The following UBE3B variants were observed in gnomAD, a reference collection of about 807,000 sequenced individuals.
UBE3B encodes the protein ubiquitin protein ligase E3B.
Under a neutral mutation model 132.3 loss-of-function variants are expected in UBE3B, and 80 were observed. That is an observed-to-expected ratio of 0.60 (90% CI 0.50 to 0.73). UBE3B has a LOEUF of 0.73. Among genes scored for constraint, UBE3B ranks in the 30% least tolerant of loss-of-function variants. The pLI is 0.00. For synonymous variants in UBE3B, 487 were observed against 520.4 expected (o/e 0.94, Z 0.87); for missense variants, 1,196 against 1,362.5 (o/e 0.88, Z 1.92).
Position 109,524,724 on chromosome 12 carries a change from T to A in UBE3B, c.2568+221T>A, listed in dbSNP as rs376714335. On this transcript the variant is annotated intron_variant, in intron 23 of 27. Transcript: ENST00000342494. Reference sequence around the variant, plus strand: ...CCTTTGAAGCTTCCCGCAGAGACCCTGCTTTCTTATATCGCATTTTAGGGT... The same window carrying A: ...CCTTTGAAGCTTCCCGCAGAGACCCAGCTTTCTTATATCGCATTTTAGGGT... Among the ~76,000 whole-genome samples the A allele has an allele frequency of 5.3e-5, 8 of 152,150 alleles. No individual in the cohort carries two copies. The East Asian group carries it at 9.7e-4, about 18-fold the overall frequency.
Position 109,498,349 on chromosome 12 carries a change from A to C in UBE3B, c.936A>C (p.Leu312=), listed in dbSNP as rs777470103. Residue 312 remains leucine, a synonymous_variant, in exon 11 of 28, where the codon CTA becomes CTC. Transcript: ENST00000342494. ...ESLEGCHTLC[L]MGNLLHLGSL... ...TAGAAGGATGCCATACGCTTTGTCT[A>C]ATGGGTAAGTATCCGTGGCTGGAAC... 6.2e-7 allele frequency: 1 copy of C among 1,613,514 alleles called. No homozygotes were observed. The highest frequency in any genetic ancestry group is 1.3e-5 in the African/African-American group (1 of 74,912).
intron 14 of UBE3B, among the ~76,000 whole-genome samples, chr12:109,506,201 G>C (rs1027124555): frequency 3.0e-4 from 46 of 152,328 alleles, no homozygotes; most frequent in African/African-American, 9.9e-4. Flanking sequence ...AGAGGTAAGT[G>C]GGGGGAAGCT....
chr12:109,541,686 T>C (rs1001818586), downstream of UBE3B, among the ~76,000 whole-genome samples: 12 of 152,128 alleles, frequency 7.9e-5, no homozygotes, highest in Admixed American at 5.2e-4. Flanking sequence ...AAATGTATTC[T>C]CCTCGGACAG....
downstream of UBE3B, among the ~76,000 whole-genome samples, chr12:109,540,681 G>A (rs2136174652): frequency 6.6e-6 from 1 of 152,362 alleles, no homozygotes; most frequent in East Asian, 1.9e-4. Context: ...TTGGCCTTCA[G>A]ACCACGGGCA....
chr12:109,482,001 C>T (rs2135746989), intron 2 of UBE3B, among the ~76,000 whole-genome samples: 1 of 152,184 alleles, frequency 6.6e-6, no homozygotes, highest in South Asian at 2.1e-4. Context: ...ACAGAGGTCC[C>T]TTGATATGTT....
chr12:109,490,155 C>G lies in UBE3B; in HGVS notation c.630+151C>G, dbSNP rs372718403. On this transcript the variant is annotated intron_variant, in intron 8 of 27. Coordinates refer to ENST00000342494, the MANE Select transcript of UBE3B (RefSeq NM_130466.4). ...TGCCTGCTGTCCTCTTCTTCCTTCCCCTGCCTTGTCTCACTTGTGGGTCAG... is the reference window on the plus strand; with the variant it reads ...TGCCTGCTGTCCTCTTCTTCCTTCCGCTGCCTTGTCTCACTTGTGGGTCAG... 52 of 899,698 alleles carry G rather than the reference C, an allele frequency of 5.8e-5. No homozygotes were observed. In the Middle Eastern group the frequency reaches 8.4e-4, roughly 14 times the overall value. The allele number at this position is 899,698 out of a possible 1,614,324, so 55.7% of individuals were successfully genotyped here.
chr12:109,506,726 G>T (rs1879738187), intron 14 of UBE3B, among the ~76,000 whole-genome samples: 1 of 152,234 alleles, frequency 6.6e-6, no homozygotes, highest in Non-Finnish European at 1.5e-5. Flanking sequence ...TTGTAACAGT[G>T]TTAGACTAAA....
intron 6 of UBE3B, among the ~76,000 whole-genome samples, chr12:109,488,218 C>T (rs971786940): frequency 3.3e-5 from 5 of 152,190 alleles, no homozygotes; most frequent in African/African-American, 9.7e-5. Context: ...GCCCAGAGTC[C>T]TAGTCATGCT....
intron 4 of UBE3B, 73 bp downstream of exon 4, chr12:109,484,054 G>A: frequency 6.8e-7 from 1 of 1,467,664 alleles, no homozygotes; most frequent in South Asian, 1.3e-5. Flanking sequence ...TATTAACTCA[G>A]TTCTTATAGC....
chr12:109,482,939 T>C (rs1330723766), intron 2 of UBE3B, among the ~76,000 whole-genome samples: 1 of 152,250 alleles, frequency 6.6e-6, no homozygotes, highest in Non-Finnish European at 1.5e-5. Context: ...CATTCTGAAG[T>C]GTGTACCTTT....
chr12:109,507,648 T>C lies in UBE3B; in HGVS notation c.1535T>C (p.Leu512Ser). The C allele has an allele frequency of 6.2e-7, 1 of 1,614,192 alleles. No individual in the cohort carries two copies. The change falls in exon 15 of 28, where the codon TTG becomes TCG. Residue 512 changes from leucine to serine, a missense_variant. Physicochemically the swap from Leu to Ser is moderately radical, Grantham distance 145 (BLOSUM62 -2). Coordinates refer to ENST00000342494, the MANE Select transcript of UBE3B (RefSeq NM_130466.4). ...CCCCACGGAGGGTTAAAGCTCTTCTTGGAATGCCTGAACAATGACACTGAA... is the reference window on the plus strand; with the variant it reads ...CCCCACGGAGGGTTAAAGCTCTTCTCGGAATGCCTGAACAATGACACTGAA... ...LGPHGGLKLF[L>S]ECLNNDTEES...
At chr12:109,486,605 C>CAAAAAAAAAAAAA (rs1876503514) in intron 6 of UBE3B, 30 bp downstream of exon 6, 2 of 1,031,692 alleles carry the variant, frequency 1.9e-6, no homozygotes, top group African/African-American at 3.8e-5. Context: ...AAAAAAAAAG[C>CAAAAAAAAAAAAA]AAAACCAGAA....
chr12:109,533,967 G>A (rs1173604230), intron 27 of UBE3B: 11 of 1,303,752 alleles, frequency 8.4e-6, no homozygotes, highest in Non-Finnish European at 1.0e-5. Context: ...GTCCAGGCTC[G>A]CTGCTTCATT....
intron 21 of UBE3B, among the ~76,000 whole-genome samples, chr12:109,523,685 C>CT (rs71079571): frequency 6.6e-6 from 1 of 152,170 alleles, no homozygotes; most frequent in African/African-American, 2.4e-5. Flanking sequence ...TGCTGCCCCC[C>CT]ACTGACAGGT....
At chr12:109,496,187 C>T (rs1220637248) in intron 9 of UBE3B, among the ~76,000 whole-genome samples, 1 of 152,178 alleles carries the variant, frequency 6.6e-6, no homozygotes, top group African/African-American at 2.4e-5. Flanking sequence ...TTGCTACTGG[C>T]TTTTTTCACT....
At chr12:109,498,129 G>T in intron 10 of UBE3B, 104 bp from the exon 11 acceptor site, 1 of 1,516,922 alleles carries the variant, frequency 6.6e-7, no homozygotes, top group Non-Finnish European at 9.0e-7. Flanking sequence ...GTGTTTGCTA[G>T]CACATCCTCC....
chr12:109,496,679 A>T (rs1035851891), intron 9 of UBE3B, among the ~76,000 whole-genome samples: 2 of 152,216 alleles, frequency 1.3e-5, no homozygotes, highest in Non-Finnish European at 2.9e-5. Context: ...CCATTTGTGT[A>T]TCTTCTTTGG....
intron 1 of UBE3B, among the ~76,000 whole-genome samples, chr12:109,480,462 G>A (rs1399819646): frequency 1.3e-5 from 2 of 152,100 alleles, no homozygotes; most frequent in East Asian, 3.9e-4. Flanking sequence ...ACCAACCTGG[G>A]CAATATAGCG....
At chr12:109,482,973 C>G (rs1875740470) in intron 2 of UBE3B, among the ~76,000 whole-genome samples, 1 of 152,036 alleles carries the variant, frequency 6.6e-6, no homozygotes, top group African/African-American at 2.4e-5. Context: ...TTGAAATGGC[C>G]CTTTCTTTTT....
Sources: allele counts gnomAD v4.1 joint callset (sites outside exome capture counted in the v4.1 genomes callset), GRCh38; gene constraint gnomAD v4.1.1; transcripts MANE v1.5; gene names NCBI Gene and HGNC (gene_info 2026-07-23, HGNC 2026-07-21).